ABCB5: variants seen among roughly 807,000 people sequenced by gnomAD.
The protein encoded by ABCB5 is ATP binding cassette subfamily B member 5.
In ABCB5, 155 loss-of-function variants were observed where a neutral mutation model predicts 144.2. The ratio of observed to expected loss-of-function variants is 1.08; its 90% CI spans 0.94 to 1.23. ABCB5 has a LOEUF of 1.23. Ranked by LOEUF, ABCB5 falls within the 50% of genes most tolerant of loss-of-function variation. The pLI, the probability that ABCB5 is intolerant of heterozygous loss-of-function variation, is 0.00. For synonymous variants in ABCB5, 610 were observed against 528.6 expected, an observed-to-expected ratio of 1.15 and a Z score of -2.11; for missense variants, 1,830 against 1,520.8, an observed-to-expected ratio of 1.20 and a Z score of -3.38.
In ABCB5 at chr7:20,723,028, A is replaced by G; in HGVS notation, c.2434A>G (p.Arg812Gly). 2 of 1,614,106 alleles carry G rather than the reference A, an allele frequency of 1.2e-6. No homozygotes were observed. Among genetic ancestry groups the G allele is most frequent in the Non-Finnish European group, 1.7e-6 (2 of 1,180,000 alleles). The change falls in exon 21 of 28, where the codon AGG becomes GGG. Residue 812 changes from arginine (R) to glycine (G), a missense_variant. Physicochemically the swap from Arg to Gly is moderately radical, Grantham distance 125 (BLOSUM62 -2). Transcript: ENST00000404938. Reference sequence around the variant, plus strand: ...TGTCTGATTATAGGCAACAGGTTCCAGGATTGGCGTCTTAACACAAAATGC... The same window carrying G: ...TGTCTGATTATAGGCAACAGGTTCCGGGATTGGCGTCTTAACACAAAATGC... ...IAQIQGATGS[R>G]IGVLTQNATN... is the part of the protein sequence containing the mutation.
At chr7:20,682,191 G>A (rs1286622935) in intron 15 of ABCB5, among the ~76,000 whole-genome samples, 2 of 152,122 alleles carry the variant, frequency 1.3e-5, no homozygotes, top group East Asian at 1.9e-4. Flanking sequence ...CCGACAGAGC[G>A]AGACTCCATT....
At chr7:20,724,333 A>T (rs1263530929) in intron 21 of ABCB5, among the ~76,000 whole-genome samples, 1 of 151,322 alleles carries the variant, frequency 6.6e-6, no homozygotes, top group East Asian at 1.9e-4. Flanking sequence ...ACTTCTGTTG[A>T]CTCTACATCC....
chr7:20,710,667 G>C (rs1388251690), intron 20 of ABCB5, among the ~76,000 whole-genome samples: 1 of 149,822 alleles, frequency 6.7e-6, no homozygotes, highest in Non-Finnish European at 1.5e-5. Flanking sequence ...CTATGCCCTT[G>C]TACTTTTATT....
At chr7:20,650,821 T>C (rs1290291617) in intron 12 of ABCB5, among the ~76,000 whole-genome samples, 2 of 152,194 alleles carry the variant, frequency 1.3e-5, no homozygotes, top group African/African-American at 4.8e-5. Flanking sequence ...GTTATGTGTA[T>C]AAAAGAGTTG....
Position 20,658,518 on chromosome 7 carries a change from T to C in ABCB5, c.1549T>C (p.Leu517=), listed in dbSNP as rs775145129. Residue 517 remains leucine (L), a synonymous_variant, in exon 14 of 28, where the codon TTG becomes CTG. Transcript: ENST00000404938. ...TATTTTTCATTAGAAATTTAATACA[T>C]TGGTAGGGGAAAAAGGAGCTCAAAT... is the stretch of plus-strand genomic sequence containing the variant. ...IMEFPNKFNT[L]VGEKGAQMSG... 28 of 1,613,526 alleles carry C rather than the reference T, an allele frequency of 1.7e-5. 1 individual carries two copies. Among genetic ancestry groups the C allele is most frequent in the South Asian group, 1.5e-4 (14 of 90,914 alleles).
At chr7:20,683,857 C>T (rs1384223121) in intron 15 of ABCB5, among the ~76,000 whole-genome samples, 2 of 152,106 alleles carry the variant, frequency 1.3e-5, no homozygotes, top group South Asian at 2.1e-4. Flanking sequence ...TTTGATAATT[C>T]GTGATTATCA....
chr7:20,701,284 A>G (rs1786617251), intron 19 of ABCB5, among the ~76,000 whole-genome samples: 1 of 152,218 alleles, frequency 6.6e-6, no homozygotes, highest in Non-Finnish European at 1.5e-5. Context: ...CCAAGAAATA[A>G]GTTGAGACTT....
intron 20 of ABCB5, among the ~76,000 whole-genome samples, chr7:20,710,968 G>A (rs1787006467): frequency 6.7e-6 from 1 of 149,530 alleles, no homozygotes; most frequent in South Asian, 2.2e-4. Flanking sequence ...TATTCTAGTG[G>A]TTACTTTAGG....
At chr7:20,629,065 A>C (rs1783973125) in intron 4 of ABCB5, among the ~76,000 whole-genome samples, 2 of 152,054 alleles carry the variant, frequency 1.3e-5, no homozygotes, top group South Asian at 4.2e-4. Flanking sequence ...AATAAGAAAC[A>C]AAATCCCCTA....
chr7:20,737,318 G>A (rs961364204), intron 23 of ABCB5, among the ~76,000 whole-genome samples: 7 of 152,032 alleles, frequency 4.6e-5, no homozygotes, highest in African/African-American at 1.7e-4. Flanking sequence ...CATTAAAGAC[G>A]GTATCAGGGC....
intron 24 of ABCB5, among the ~76,000 whole-genome samples, chr7:20,739,740 T>A (rs1297644697): frequency 6.6e-6 from 1 of 152,098 alleles, no homozygotes; most frequent in African/African-American, 2.4e-5. Context: ...TGATAATATA[T>A]GCAAAGTAAA....
chr7:20,622,901 A>G (rs78293595), intron 1 of ABCB5, among the ~76,000 whole-genome samples: 9,029 of 152,210 alleles, frequency 0.059, 364 homozygotes, highest in South Asian at 0.14. Context: ...ACAGCATGAG[A>G]TAGATTAAAA....
chr7:20,755,476 T>C lies in ABCB5; in HGVS notation c.3626T>C (p.Val1209Ala), dbSNP rs144181270. Residue 1209 changes from valine (V) to alanine (A), a missense_variant, in exon 28 of 28, where the codon GTG becomes GCG. Physicochemically the swap from Val to Ala is moderately conservative, Grantham distance 64. Transcript: ENST00000404938. ...GCCAGGACGGGAAGGACATGCCTAGTGGTCACTCACAGGCTCTCTGCAATT... is the reference window on the plus strand; with the variant it reads ...GCCAGGACGGGAAGGACATGCCTAGCGGTCACTCACAGGCTCTCTGCAATT... ...DKARTGRTCL[V>A]VTHRLSAIQN... The C allele has an allele frequency of 1.4e-4, 226 of 1,614,184 alleles. No homozygotes were observed. The African/African-American group carries it at 1.9e-3, about 14-fold the overall frequency.
chr7:20,622,910 A>G (rs897094271), intron 1 of ABCB5, among the ~76,000 whole-genome samples: 1 of 152,158 alleles, frequency 6.6e-6, no homozygotes, highest in Admixed American at 6.5e-5. Flanking sequence ...GATAGATTAA[A>G]AATTTTCACC....
At chr7:20,733,285 A>C (rs1353519738) in intron 23 of ABCB5, among the ~76,000 whole-genome samples, 1 of 152,162 alleles carries the variant, frequency 6.6e-6, no homozygotes, top group African/African-American at 2.4e-5. Context: ...TTTTTCAAAC[A>C]TTCGAGTATT....
intron 20 of ABCB5, among the ~76,000 whole-genome samples, chr7:20,720,943 C>CAAA (rs71020677): frequency 0.01 from 729 of 70,500 alleles, 29 homozygotes; most frequent in East Asian, 0.079. Context: ...AACTCTGCCT[C>CAAA]AAAAAAAAAA....
intron 1 of ABCB5, among the ~76,000 whole-genome samples, chr7:20,621,816 T>C (rs1783812003): frequency 6.6e-6 from 1 of 152,170 alleles, no homozygotes; most frequent in Non-Finnish European, 1.5e-5. Flanking sequence ...CTTGTGCAAA[T>C]GTGCTGTTGA....
chr7:20,748,960 T>G (rs1291260941), intron 26 of ABCB5, among the ~76,000 whole-genome samples: 1 of 152,214 alleles, frequency 6.6e-6, no homozygotes, highest in Non-Finnish European at 1.5e-5. Context: ...TTTCTTTTAC[T>G]TTTACTACAA....
chr7:20,739,072 C>A lies in ABCB5; in HGVS notation c.2957C>A (p.Ala986Glu). 6.2e-7 allele frequency: 1 copy of A among 1,611,144 alleles called. No individual in the cohort carries two copies. Among genetic ancestry groups the A allele is most frequent in the Admixed American group, 1.7e-5 (1 of 59,596 alleles). The change falls in exon 24 of 28, where the codon GCG becomes GAG. Residue 986 changes from alanine to glutamate, a missense_variant. By Grantham distance (107) the Ala-to-Glu change is moderately radical. Transcript: ENST00000404938. ...PEYSKAKSGAAHLFALLEKKP... is the reference protein window; with the variant it reads ...PEYSKAKSGAEHLFALLEKKP... ...TATTCCAAAGCCAAATCGGGGGCTG[C>A]GCATCTGTTTGCCTTGTTGGAAAAG... is the stretch of plus-strand genomic sequence containing the variant.
Sources: allele counts gnomAD v4.1 joint callset (sites outside exome capture counted in the v4.1 genomes callset), GRCh38; gene constraint gnomAD v4.1.1; transcripts MANE v1.5; gene names NCBI Gene and HGNC (gene_info 2026-07-23, HGNC 2026-07-21).